UBE2K: variants seen among roughly 807,000 people sequenced by gnomAD.
UBE2K encodes the protein ubiquitin conjugating enzyme E2 K.
Under a neutral mutation model 30.0 loss-of-function variants are expected in UBE2K, and 6 were observed. That is an observed-to-expected ratio of 0.20 (90% CI 0.11 to 0.39). UBE2K has a LOEUF of 0.39. Among genes scored for constraint, UBE2K ranks in the 10% least tolerant of loss-of-function variants. The probability of loss-of-function intolerance (pLI) is 1.00; values close to 1 mark genes in which losing one functional copy is unlikely to be tolerated. For synonymous variants in UBE2K, 86 were observed against 83.7 expected (o/e 1.03, Z -0.15); for missense variants, 61 against 241.6 (o/e 0.25, Z 4.96).
At chr4:39,726,640 G>C (rs1719768299) in intron 1 of UBE2K, among the ~76,000 whole-genome samples, 3 of 152,134 alleles carry the variant, frequency 2.0e-5, no homozygotes, top group Non-Finnish European at 2.9e-5. Flanking sequence ...CTGTCTCCCA[G>C]GCTGGAGTGC....
intron 2 of UBE2K, among the ~76,000 whole-genome samples, chr4:39,741,279 A>G (rs890783948): frequency 2.6e-5 from 4 of 152,180 alleles, no homozygotes; most frequent in Admixed American, 6.6e-5. Flanking sequence ...TCAAAAAAAA[A>G]AAGTGCTTAT....
chr4:39,739,439 T>C (rs1720555775), intron 2 of UBE2K, among the ~76,000 whole-genome samples: 1 of 146,660 alleles, frequency 6.8e-6, no homozygotes, highest in African/African-American at 2.6e-5. Context: ...ATTCTGTTTA[T>C]TCATTTTTTT....
intron 1 of UBE2K, among the ~76,000 whole-genome samples, chr4:39,704,568 G>A (rs1266120736): frequency 6.6e-6 from 1 of 151,992 alleles, no homozygotes; most frequent in African/African-American, 2.4e-5. Context: ...TTGAAACAGA[G>A]TCTCACTGTC....
chr4:39,714,876 C>G (rs73240663), intron 1 of UBE2K, among the ~76,000 whole-genome samples: 15,771 of 150,848 alleles, frequency 0.1, 1,086 homozygotes, highest in East Asian at 0.22. Flanking sequence ...AGAGACAGGT[C>G]TCACTCACAC....
chr4:39,713,017 C>T (rs537589769), intron 1 of UBE2K, among the ~76,000 whole-genome samples: 38 of 152,152 alleles, frequency 2.5e-4, no homozygotes, highest in African/African-American at 7.5e-4. Flanking sequence ...AGGCATGCCC[C>T]GCTAAGCCTG....
intron 2 of UBE2K, among the ~76,000 whole-genome samples, chr4:39,738,684 ATTGT>A (rs1014860511): frequency 5.3e-5 from 8 of 151,570 alleles, no homozygotes; most frequent in African/African-American, 1.9e-4. Context: ...TCATTTTTTG[ATTGT>A]TTGTTTTTTG....
Position 39,782,082 on chromosome 4 carries a change from T to C in UBE2K, c.*3648T>C, listed in dbSNP as rs1192208695. On this transcript the variant is annotated 3_prime_UTR_variant, in exon 7 of 7. Coordinates refer to ENST00000261427, the MANE Select transcript of UBE2K (RefSeq NM_005339.5). Reference sequence around the variant, plus strand: ...GTTAGTATCTCCCTTGTCCCATTTGTTCTGTTACTGCTTCATTGGACTGAT... The same window carrying C: ...GTTAGTATCTCCCTTGTCCCATTTGCTCTGTTACTGCTTCATTGGACTGAT... The C allele has an allele frequency of 5.0e-6, 2 of 397,044 alleles. No individual in the cohort carries two copies. Among genetic ancestry groups the C allele is most frequent in the Non-Finnish European group, 8.9e-6 (2 of 225,178 alleles). The allele number at this position is 397,044 out of a possible 1,614,324, so 24.6% of individuals were successfully genotyped here. A position where few individuals can be genotyped will look rare whatever the true frequency, so the allele number is the denominator to read the frequency against.
chr4:39,746,646 C>T (rs1458170029), intron 3 of UBE2K, among the ~76,000 whole-genome samples: 1 of 152,202 alleles, frequency 6.6e-6, no homozygotes, highest in African/African-American at 2.4e-5. Flanking sequence ...TCTTCTACCA[C>T]TTCCACCCAC....
At chr4:39,773,465 C>A (rs544688778) in intron 4 of UBE2K, among the ~76,000 whole-genome samples, 1 of 151,888 alleles carries the variant, frequency 6.6e-6, no homozygotes, top group African/African-American at 2.4e-5. Context: ...GAGACTCCAT[C>A]TCAAGAAAAT....
rs1301037593 is a variant in UBE2K, at chr4:39,750,437, CTGT to C, written c.216+4632_216+4634del. ...ATTTCTGTCTGGGAACATTGAGAAT[CTGT>C]TGTTACATAGTGTTCAGATTTCCGT... is the stretch of plus-strand genomic sequence containing the variant. On this transcript the variant is annotated intron_variant, in intron 3 of 6. Coordinates refer to ENST00000261427, the MANE Select transcript of UBE2K (RefSeq NM_005339.5). 7.9e-5 allele frequency among the ~76,000 whole-genome samples: 12 copies of C among 152,298 alleles called. No homozygotes were observed. In the East Asian group the frequency reaches 1.9e-3, roughly 24 times the overall value.
chr4:39,734,609 A>G (rs985396745), intron 1 of UBE2K, among the ~76,000 whole-genome samples: 2 of 152,022 alleles, frequency 1.3e-5, no homozygotes, highest in Non-Finnish European at 2.9e-5. Context: ...CCAGGAGTTC[A>G]AGACCAGCCT....
At position 39,752,311 on chromosome 4, in the gene UBE2K, ATTTTTTTTTTTTTCTTTTTTTTTCTT is replaced by A. The variant is rs1255950439; in HGVS notation, c.217-3332_217-3307del. Among the ~76,000 whole-genome samples the A allele has an allele frequency of 3.5e-3, 412 of 118,550 alleles. 4 individuals carry two copies. Among genetic ancestry groups the A allele is most frequent in the African/African-American group, 0.012 (384 of 31,670 alleles). 77.8% of individuals were successfully genotyped at this position (118,550 alleles called of 152,430 possible). On this transcript the variant is annotated intron_variant, in intron 3 of 6. Coordinates refer to ENST00000261427, the MANE Select transcript of UBE2K (RefSeq NM_005339.5). Reference sequence around the variant, plus strand: ...AGGCGCCCGCCATCACGCCTGGCTAATTTTTTTTTTTTTCTTTTTTTTTCTTTTTTTTTTTTTTTTTTTGAGACGGC... The same window carrying A: ...AGGCGCCCGCCATCACGCCTGGCTAATTTTTTTTTTTTTTTTTGAGACGGC...
chr4:39,780,717 G>C lies in UBE2K; in HGVS notation c.*2283G>C, dbSNP rs1578520793. On this transcript the variant is annotated 3_prime_UTR_variant, in exon 7 of 7. Transcript: ENST00000261427. ...TTTCCTTTCTGGTATATTTCCCACTGTACTGTTTGGTTTTTGTTATTCTCT... is the reference window on the plus strand; with the variant it reads ...TTTCCTTTCTGGTATATTTCCCACTCTACTGTTTGGTTTTTGTTATTCTCT... 4 of 151,724 alleles carry C rather than the reference G, an allele frequency of 2.6e-5. No homozygotes were observed. The South Asian group carries it at 6.2e-4, about 24-fold the overall frequency. The allele number at this position is 151,724 out of a possible 1,614,324, so 9.4% of individuals were successfully genotyped here.
intron 4 of UBE2K, among the ~76,000 whole-genome samples, chr4:39,766,886 G>A (rs1712377103): frequency 1.3e-5 from 2 of 152,022 alleles, no homozygotes; most frequent in African/African-American, 2.4e-5. Flanking sequence ...CACGTAGCTG[G>A]GATTACAAAC....
intron 1 of UBE2K, among the ~76,000 whole-genome samples, chr4:39,708,677 T>G (rs1189482279): frequency 6.6e-6 from 1 of 152,078 alleles, no homozygotes; most frequent in Non-Finnish European, 1.5e-5. Flanking sequence ...TGTATTGAAT[T>G]TCAGAGCTGA....
At chr4:39,749,980 C>T (rs1721172125) in intron 3 of UBE2K, among the ~76,000 whole-genome samples, 1 of 152,104 alleles carries the variant, frequency 6.6e-6, no homozygotes, top group Non-Finnish European at 1.5e-5. Flanking sequence ...GGGTGGATCA[C>T]CAGAGGTCAG....
intron 1 of UBE2K, among the ~76,000 whole-genome samples, chr4:39,718,245 C>A (rs1332726668): frequency 6.6e-6 from 1 of 152,124 alleles, no homozygotes; most frequent in African/African-American, 2.4e-5. Flanking sequence ...GAGCTAGACA[C>A]AAAAGTTCTC....
chr4:39,738,969 C>T (rs1044179506), intron 2 of UBE2K, among the ~76,000 whole-genome samples: 3 of 152,124 alleles, frequency 2.0e-5, no homozygotes, highest in Admixed American at 6.6e-5. Context: ...GCCACCAATC[C>T]CGGCCACCAG....
chr4:39,750,556 C>T (rs1721204319), intron 3 of UBE2K, among the ~76,000 whole-genome samples: 1 of 151,978 alleles, frequency 6.6e-6, no homozygotes, highest in Admixed American at 6.6e-5. Flanking sequence ...AATAAGGAGA[C>T]ATTATTATTA....
Sources: gnomAD v4.1 joint callset for allele counts (sites outside exome capture counted in the v4.1 genomes callset) on GRCh38, gnomAD v4.1.1 for gene constraint, MANE v1.5 for transcripts, NCBI Gene and HGNC (gene_info 2026-07-23, HGNC 2026-07-21) for gene names.